The following SPATA6 variants were observed in gnomAD, a reference collection of about 807,000 sequenced individuals.
SPATA6 encodes spermatogenesis-associated protein 6.
SPATA6 carries 56 observed loss-of-function variants against 65.3 expected under a neutral mutation model. The observed-to-expected ratio is 0.86, with a 90% CI of 0.69 to 1.07. The LOEUF is 1.07. Ranked by LOEUF, SPATA6 falls within the 50% of genes least tolerant of loss-of-function variation. SPATA6 has a pLI of 0.00. For missense variants in SPATA6, 590 were observed against 594.8 expected (o/e 0.99, Z 0.08); for synonymous variants, 199 against 213.2 (o/e 0.93, Z 0.58).
At chr1:48,286,051 T>C in the SPATA6 span, among the ~76,000 whole-genome samples, 19 of 152,198 alleles carry the variant, frequency 1.2e-4, no homozygotes, top group Non-Finnish European at 2.2e-4. Context: ...TATGCCAGGA[T>C]TACACTGTTT....
At chr1:48,452,630 C>A (rs573252107) in intron 2 of SPATA6, among the ~76,000 whole-genome samples, 1 of 152,048 alleles carries the variant, frequency 6.6e-6, no homozygotes, top group Non-Finnish European at 1.5e-5. Context: ...GTGATCCACC[C>A]GCCTCGGCCT....
chr1:48,400,934 T>C (rs999157319), intron 6 of SPATA6: 9 of 634,630 alleles, frequency 1.4e-5, no homozygotes, highest in African/African-American at 1.4e-4. Context: ...AAGCAAAGAA[T>C]GTCAGCACTA....
At chr1:48,363,328 C>T (rs1370205730) in intron 9 of SPATA6, among the ~76,000 whole-genome samples, 1 of 152,126 alleles carries the variant, frequency 6.6e-6, no homozygotes, top group East Asian at 1.9e-4. Context: ...CTCTTTAGCT[C>T]ATCACAGAAG....
At chr1:48,355,463 G>T (rs1288287096) in intron 11 of SPATA6, 4 of 435,040 alleles carry the variant, frequency 9.2e-6, no homozygotes, top group Non-Finnish European at 1.7e-5. Flanking sequence ...AGTTAAGATG[G>T]TCTATTTCAA....
intron 9 of SPATA6, among the ~76,000 whole-genome samples, chr1:48,367,948 C>G (rs372288906): frequency 3.3e-5 from 5 of 152,204 alleles, no homozygotes; most frequent in East Asian, 1.9e-4. Flanking sequence ...TGTTCCTTTC[C>G]ATGTTTAGTG....
intron 11 of SPATA6, among the ~76,000 whole-genome samples, chr1:48,315,023 C>A (rs1042180824): frequency 1.3e-5 from 2 of 152,142 alleles, no homozygotes; most frequent in Non-Finnish European, 2.9e-5. Flanking sequence ...AGACCAATAA[C>A]AGGCTCTGAA....
intron 9 of SPATA6, among the ~76,000 whole-genome samples, chr1:48,379,076 G>A (rs1029734150): frequency 6.6e-6 from 1 of 152,128 alleles, no homozygotes; most frequent in East Asian, 1.9e-4. Context: ...ACCCAAGACT[G>A]GTAATTTTTA....
chr1:48,325,073 A>C (rs984336751), intron 11 of SPATA6: 2 of 372,078 alleles, frequency 5.4e-6, no homozygotes, highest in African/African-American at 4.2e-5. Flanking sequence ...CCATGACCAA[A>C]AATATCATAT....
intron 3 of SPATA6, among the ~76,000 whole-genome samples, chr1:48,428,799 G>GTGTGTGTA (rs2148048372): frequency 8.9e-6 from 1 of 112,568 alleles, no homozygotes; most frequent in Admixed American, 9.5e-5. Flanking sequence ...GTGTGTGTGT[G>GTGTGTGTA]TGTGTGTGTG....
At chr1:48,378,048 A>G (rs1243919098) in intron 9 of SPATA6, among the ~76,000 whole-genome samples, 1 of 152,242 alleles carries the variant, frequency 6.6e-6, no homozygotes, top group Non-Finnish European at 1.5e-5. Context: ...CACAGCATGG[A>G]GAAAATAGCA....
At chr1:48,267,219 C>G in the SPATA6 span, among the ~76,000 whole-genome samples, 3 of 152,040 alleles carry the variant, frequency 2.0e-5, no homozygotes, top group African/African-American at 7.2e-5. Context: ...ACGGGCAGGT[C>G]GTGAGGCGGG....
intron 3 of SPATA6, among the ~76,000 whole-genome samples, chr1:48,448,953 G>C (rs1161522623): frequency 6.6e-6 from 1 of 152,052 alleles, no homozygotes; most frequent in Non-Finnish European, 1.5e-5. Flanking sequence ...ATTAGAAAAT[G>C]ATGATGATAC....
the SPATA6 span, among the ~76,000 whole-genome samples, chr1:48,276,484 T>TCC: frequency 1.3e-5 from 2 of 152,246 alleles, no homozygotes; most frequent in African/African-American, 4.8e-5. Context: ...GCTATACATT[T>TCC]CCCTGTAAAC....
intron 5 of SPATA6, 53 bp downstream of exon 5, chr1:48,411,411 T>C: frequency 1.9e-6 from 3 of 1,561,510 alleles, no homozygotes; most frequent in Admixed American, 1.8e-5. Flanking sequence ...ATGCGGTGGT[T>C]TCTGACAATG....
At chr1:48,459,283 A>G (rs1247556372) in intron 1 of SPATA6, among the ~76,000 whole-genome samples, 1 of 151,958 alleles carries the variant, frequency 6.6e-6, no homozygotes, top group African/African-American at 2.4e-5. Flanking sequence ...GACTAATAAA[A>G]GTGAAATGAG....
chr1:48,403,498 G>C (rs1651375278), intron 6 of SPATA6, among the ~76,000 whole-genome samples: 1 of 152,126 alleles, frequency 6.6e-6, no homozygotes, highest in South Asian at 2.1e-4. Flanking sequence ...GAGACTACTT[G>C]ATCCTAACAT....
At chr1:48,346,119 A>G (rs1646357516) in intron 11 of SPATA6, among the ~76,000 whole-genome samples, 1 of 152,100 alleles carries the variant, frequency 6.6e-6, no homozygotes, top group Non-Finnish European at 1.5e-5. Flanking sequence ...GCTCATCAAA[A>G]AGCTTAGCCG....
At chr1:48,426,565 T>C (rs548742132) in intron 3 of SPATA6, among the ~76,000 whole-genome samples, 8 of 152,166 alleles carry the variant, frequency 5.3e-5, no homozygotes, top group Non-Finnish European at 2.9e-5. Context: ...CACCACACTT[T>C]GAACACTACA....
In SPATA6 at chr1:48,297,883, T is replaced by C. The variant is rs566573783; in HGVS notation, c.*830A>G. ...TACTATAATAGTGCCTTGGGCCATA[T>C]GGTACTTACACAAATTCCAAGCAGT... is the stretch of plus-strand genomic sequence containing the variant. On this transcript the variant is annotated 3_prime_UTR_variant, in exon 13 of 13. Transcript: ENST00000371847. 3.9e-5 allele frequency: 6 copies of C among 152,244 alleles called. No homozygotes were observed. The highest frequency in any genetic ancestry group is 1.4e-4 in the African/African-American group (6 of 41,572). The allele number at this position is 152,244 out of a possible 1,614,324, so 9.4% of individuals were successfully genotyped here.
Sources: allele counts gnomAD v4.1 joint callset (sites outside exome capture counted in the v4.1 genomes callset), GRCh38; gene constraint gnomAD v4.1.1; transcripts MANE v1.5; gene names NCBI Gene and HGNC (gene_info 2026-07-23, HGNC 2026-07-21).